The following TNKS2 variants were observed in gnomAD, a reference collection of about 807,000 sequenced individuals.
TNKS2 encodes poly [ADP-ribose] polymerase tankyrase-2.
A neutral mutation model predicts 137.6 loss-of-function variants in TNKS2; 72 were observed. The observed-to-expected ratio is 0.52, with a 90% CI of 0.43 to 0.64. The LOEUF is 0.64. Ranked by LOEUF, TNKS2 falls within the 30% of genes least tolerant of loss-of-function variation. The pLI, the probability that TNKS2 is intolerant of heterozygous loss-of-function variation, is 0.00. For missense variants in TNKS2, 1,049 were observed against 1,410.2 expected (o/e 0.74, Z 4.10); for synonymous variants, 516 against 512.1 (o/e 1.01, Z -0.10).
chr10:91,804,478 TA>T (rs1485192424), intron 1 of TNKS2, among the ~76,000 whole-genome samples: 1 of 152,222 alleles, frequency 6.6e-6, no homozygotes, highest in Non-Finnish European at 1.5e-5. Context: ...AATTACAAAA[TA>T]AACTACAGTG....
intron 1 of TNKS2, among the ~76,000 whole-genome samples, chr10:91,803,800 C>A (rs1269227999): frequency 6.6e-6 from 1 of 152,190 alleles, no homozygotes; most frequent in Non-Finnish European, 1.5e-5. Flanking sequence ...TTTTCCAGAA[C>A]TTTGCCTTTG....
Position 91,848,370 on chromosome 10 carries a change from A to T in TNKS2, c.2359-13A>T, listed in dbSNP as rs147599677. On this transcript the variant is annotated splice_polypyrimidine_tract_variant and intron_variant, in intron 18 of 26. Coordinates refer to ENST00000371627, the MANE Select transcript of TNKS2 (RefSeq NM_025235.4). ...TTGCTTATGGCAGATGTTGTCTCTG[A>T]CACGTACCCTAGGCGGATGATGTCA... The T allele has an allele frequency of 3.2e-4, 508 of 1,610,490 alleles. 3 individuals carry two copies. In the African/African-American group the frequency reaches 4.4e-3, roughly 14 times the overall value.
intron 20 of TNKS2, among the ~76,000 whole-genome samples, chr10:91,850,088 G>A (rs1021012932): frequency 1.1e-4 from 17 of 152,138 alleles, no homozygotes; most frequent in Non-Finnish European, 2.1e-4. Flanking sequence ...ACATATGGCC[G>A]GGTGCAGTGG....
chr10:91,799,449 A>T (rs1307455790), intron 1 of TNKS2, among the ~76,000 whole-genome samples: 1 of 152,184 alleles, frequency 6.6e-6, no homozygotes, highest in Non-Finnish European at 1.5e-5. Context: ...GGAAATAGGC[A>T]AGTTTGGGAG....
intron 1 of TNKS2, among the ~76,000 whole-genome samples, chr10:91,801,539 T>G (rs889629741): frequency 1.3e-5 from 2 of 151,914 alleles, no homozygotes; most frequent in Non-Finnish European, 2.9e-5. Flanking sequence ...AGCGTCACGA[T>G]CTCAGCTCAC....
intron 18 of TNKS2, 126 bp from the exon 19 acceptor site, chr10:91,848,257 A>G: frequency 1.9e-6 from 2 of 1,045,804 alleles, no homozygotes; most frequent in African/African-American, 1.6e-5. Context: ...AAAATGAATA[A>G]TCCTCCATTG....
At chr10:91,804,634 C>T (rs1403183813) in intron 1 of TNKS2, among the ~76,000 whole-genome samples, 1 of 152,132 alleles carries the variant, frequency 6.6e-6, no homozygotes, top group Admixed American at 6.5e-5. Flanking sequence ...CAGAATATAC[C>T]CTGCAGAGCA....
chr10:91,842,091 A>T, intron 15 of TNKS2, 81 bp from the exon 16 acceptor site: 2 of 908,818 alleles, frequency 2.2e-6, no homozygotes, highest in Non-Finnish European at 3.4e-6. Flanking sequence ...TCTTTGGTAT[A>T]GTTAACACTG....
At chr10:91,843,713 C>T (rs946896) in intron 16 of TNKS2, among the ~76,000 whole-genome samples, 106,188 of 152,044 alleles carry the variant, frequency 0.7, 38,263 homozygotes, top group East Asian at 0.91. Flanking sequence ...ATAGACACAG[C>T]GGACTCATAC....
At position 91,798,607 on chromosome 10, in the gene TNKS2, G is replaced by A; in HGVS notation, c.-84G>A. ...CCGGGCCCTGAGCGCGTCTTCTCCG[G>A]GGGGCCTCGCCCTCCTGCTCGCGGG... On this transcript the variant is annotated 5_prime_UTR_variant, in exon 1 of 27. Transcript: ENST00000371627. The A allele has an allele frequency of 8.3e-7, 1 of 1,202,350 alleles. No homozygotes were observed. Among genetic ancestry groups the A allele is most frequent in the Admixed American group, 4.4e-5 (1 of 22,708 alleles). The allele number at this position is 1,202,350 out of a possible 1,614,324, so 74.5% of individuals were successfully genotyped here.
intron 7 of TNKS2, among the ~76,000 whole-genome samples, chr10:91,826,402 T>C (rs755193727): frequency 6.6e-6 from 1 of 152,190 alleles, no homozygotes; most frequent in African/African-American, 2.4e-5. Context: ...AATTATGATA[T>C]ATGTATACTG....
Position 91,859,018 on chromosome 10 carries a change from T to A in TNKS2, c.3095-444T>A, listed in dbSNP as rs200995232. Among the ~76,000 whole-genome samples, 134 of 146,094 alleles carry A rather than the reference T, an allele frequency of 9.2e-4. No individual in the cohort carries two copies. The East Asian group carries it at 0.019, about 20-fold the overall frequency. On this transcript the variant is annotated intron_variant, in intron 24 of 26. Transcript: ENST00000371627. Reference sequence around the variant, plus strand: ...AGCGAGACTACATCTCAAAAAAATTTAAAAAAAAAAAGAATGTGAAAGTCT... The same window carrying A: ...AGCGAGACTACATCTCAAAAAAATTAAAAAAAAAAAAGAATGTGAAAGTCT...
intron 1 of TNKS2, among the ~76,000 whole-genome samples, chr10:91,805,495 C>T (rs1268600708): frequency 6.6e-6 from 1 of 152,208 alleles, no homozygotes; most frequent in Non-Finnish European, 1.5e-5. Flanking sequence ...CAACCCTCTT[C>T]TCTTTCCAGC....
intron 3 of TNKS2, among the ~76,000 whole-genome samples, chr10:91,818,036 T>C (rs1844767602): frequency 6.6e-6 from 1 of 152,238 alleles, no homozygotes; most frequent in African/African-American, 2.4e-5. Flanking sequence ...AATTTAGACT[T>C]CTTCATGAGA....
At chr10:91,815,216 T>G (rs1264402266) in intron 2 of TNKS2, among the ~76,000 whole-genome samples, 1 of 152,162 alleles carries the variant, frequency 6.6e-6, no homozygotes, top group Non-Finnish European at 1.5e-5. Flanking sequence ...AAAGTCCAGG[T>G]GTTCTATGCT....
Position 91,864,409 on chromosome 10 carries a change from T to C in TNKS2, c.*1410T>C, listed in dbSNP as rs1312823835. ...CATTATGGCTTGGCAATCTCTTTTA[T>C]TTGTTGACTCTAGCTCCCTTCAAAG... On this transcript the variant is annotated 3_prime_UTR_variant, in exon 27 of 27. Coordinates refer to ENST00000371627, the MANE Select transcript of TNKS2 (RefSeq NM_025235.4). 2 of 152,604 alleles carry C rather than the reference T, an allele frequency of 1.3e-5. No homozygotes were observed. Among genetic ancestry groups the C allele is most frequent in the Non-Finnish European group, 2.9e-5 (2 of 68,042 alleles). 9.5% of individuals were successfully genotyped at this position (152,604 alleles called of 1,614,324 possible).
chr10:91,819,667 A>G (rs942897082), intron 5 of TNKS2, 110 bp downstream of exon 5: 1 of 911,778 alleles, frequency 1.1e-6, no homozygotes, highest in African/African-American at 1.7e-5. Flanking sequence ...CTGATGTTTT[A>G]AGTGTTTCAG....
intron 1 of TNKS2, among the ~76,000 whole-genome samples, chr10:91,799,675 T>A (rs1844097136): frequency 6.6e-6 from 1 of 152,254 alleles, no homozygotes; most frequent in Admixed American, 6.5e-5. Context: ...TTAAGCATAT[T>A]AAATTTAGTC....
intron 1 of TNKS2, among the ~76,000 whole-genome samples, chr10:91,804,796 G>A (rs767421184): frequency 8.5e-5 from 13 of 152,116 alleles, no homozygotes; most frequent in Non-Finnish European, 1.5e-4. Context: ...CACTCTTGTC[G>A]CCCAGGCTGG....
Sources: gnomAD v4.1 joint callset for allele counts (sites outside exome capture counted in the v4.1 genomes callset) on GRCh38, gnomAD v4.1.1 for gene constraint, MANE v1.5 for transcripts, NCBI Gene and HGNC (gene_info 2026-07-23, HGNC 2026-07-21) for gene names.